PALM2AKAP2: variants seen among roughly 807,000 people sequenced by gnomAD.
The protein encoded by PALM2AKAP2 is PALM2-AKAP2 fusion protein.
In PALM2AKAP2, 37 loss-of-function variants were observed where a neutral mutation model predicts 71.5. The ratio of observed to expected loss-of-function variants is 0.52; its 90% CI spans 0.40 to 0.68. PALM2AKAP2 has a LOEUF of 0.68. PALM2AKAP2 is among the 30% of genes least tolerant of loss of function. The probability of loss-of-function intolerance (pLI) is 0.00; values close to 1 mark genes in which losing one functional copy is unlikely to be tolerated. For synonymous variants in PALM2AKAP2, 468 were observed against 478.8 expected, an observed-to-expected ratio of 0.98 and a Z score of 0.29; for missense variants, 1,224 against 1,191.8, an observed-to-expected ratio of 1.03 and a Z score of -0.40.
At chr9:109,833,531 G>A (rs950128167) in intron 1 of PALM2AKAP2, among the ~76,000 whole-genome samples, 2 of 152,102 alleles carry the variant, frequency 1.3e-5, no homozygotes, top group Admixed American at 1.3e-4. Flanking sequence ...GTTTCCTGAG[G>A]CCCAGTCAGC....
chr9:110,017,898 T>C (rs768258390), intron 7 of PALM2AKAP2, among the ~76,000 whole-genome samples: 32 of 152,032 alleles, frequency 2.1e-4, no homozygotes, highest in Non-Finnish European at 3.7e-4. Flanking sequence ...CGGCTAGTTT[T>C]TGTATTTTCA....
At position 109,717,038 on chromosome 9, in the gene PALM2AKAP2, G is replaced by A. The variant is rs113673626; in HGVS notation, c.6-63450G>A. On this transcript the variant is annotated intron_variant, in intron 1 of 6. Coordinates refer to the PALM2AKAP2 transcript ENST00000374531. Reference sequence around the variant, plus strand: ...GTATGGGCAAGCTATGCAATTCAATGAGATCCAATGTGGCAGGCTGGTTGT... The same window carrying A: ...GTATGGGCAAGCTATGCAATTCAATAAGATCCAATGTGGCAGGCTGGTTGT... Among the ~76,000 whole-genome samples, 614 of 152,256 alleles carry A rather than the reference G, an allele frequency of 4.0e-3. 1 individual carries two copies. Among genetic ancestry groups the A allele is most frequent in the Middle Eastern group, 0.031 (9 of 294 alleles).
chr9:110,155,117 T>C (rs1301990835), intron 2 of PALM2AKAP2, among the ~76,000 whole-genome samples: 2 of 152,232 alleles, frequency 1.3e-5, no homozygotes, highest in Non-Finnish European at 2.9e-5. Flanking sequence ...GCAGCCCATA[T>C]GGAAATGTGG....
At chr9:109,745,174 G>T (rs1330966128) in intron 1 of PALM2AKAP2, among the ~76,000 whole-genome samples, 1 of 152,110 alleles carries the variant, frequency 6.6e-6, no homozygotes, top group Non-Finnish European at 1.5e-5. Flanking sequence ...ACCAGCGATA[G>T]GTATGGACTC....
chr9:109,666,987 G>A (rs965369846), intron 1 of PALM2AKAP2, among the ~76,000 whole-genome samples: 2 of 152,212 alleles, frequency 1.3e-5, no homozygotes, highest in African/African-American at 4.8e-5. Context: ...CTTCCTAACA[G>A]AAGGAAGTGG....
exon 2 of PALM2AKAP2, chr9:110,137,569 C>T (rs780836774): frequency 6.2e-6 from 10 of 1,614,214 alleles, no homozygotes; most frequent in Non-Finnish European, 8.5e-6. Flanking sequence ...GGGCTGTCCT[C>T]ACTGTGGTCA....
intron 3 of PALM2AKAP2, among the ~76,000 whole-genome samples, chr9:109,905,503 CTG>C (rs1491460013): frequency 1.1e-4 from 16 of 152,260 alleles, no homozygotes; most frequent in African/African-American, 3.6e-4. Flanking sequence ...AATGCAACGA[CTG>C]TGCCCGTGAG....
At chr9:109,826,620 C>T (rs1240717984) in intron 1 of PALM2AKAP2, among the ~76,000 whole-genome samples, 5 of 151,892 alleles carry the variant, frequency 3.3e-5, no homozygotes, top group African/African-American at 4.8e-5. Context: ...TAGTTTTTGC[C>T]TTGCAAAAGG....
rs376685088 is a variant in PALM2AKAP2, at chr9:110,059,057, G to A, written c.156+10202G>A. The stretch of plus-strand genomic sequence containing the variant: ...AGGGATTACAGGCATGTGCCACCAC[G>A]CCCACGTAATTTTTGTATTTTGGGT... On this transcript the variant is annotated intron_variant, in intron 1 of 3. Transcript: ENST00000374525. 3.9e-5 allele frequency among the ~76,000 whole-genome samples: 6 copies of A among 152,002 alleles called. No individual in the cohort carries two copies. In the South Asian group the frequency reaches 6.3e-4, roughly 16 times the overall value.
chr9:110,005,701 T>C (rs1347154450), intron 6 of PALM2AKAP2, among the ~76,000 whole-genome samples: 1 of 152,156 alleles, frequency 6.6e-6, no homozygotes, highest in Non-Finnish European at 1.5e-5. Context: ...GCTGCTTTGT[T>C]TACCTACTCA....
chr9:109,870,595 A>T lies in PALM2AKAP2; in HGVS notation c.126+3024A>T, dbSNP rs930014922. Among the ~76,000 whole-genome samples the T allele has an allele frequency of 3.3e-5, 5 of 152,354 alleles. No homozygotes were observed. In the East Asian group the frequency reaches 9.6e-4, roughly 29 times the overall value. On this transcript the variant is annotated intron_variant, in intron 2 of 9. Transcript: ENST00000302798. ...TTACAGCTATGGGAACAAACTCATG[A>T]GGTCAAGTGATTTGCCCAAGACCAT...
At chr9:110,127,395 C>T (rs1277475463) in intron 1 of PALM2AKAP2, among the ~76,000 whole-genome samples, 1 of 152,162 alleles carries the variant, frequency 6.6e-6, no homozygotes, top group Non-Finnish European at 1.5e-5. Flanking sequence ...GGAGGGGAGG[C>T]TCTAGCCTCT....
intron 7 of PALM2AKAP2, among the ~76,000 whole-genome samples, chr9:110,027,919 G>C (rs1833211456): frequency 2.0e-5 from 3 of 152,018 alleles, no homozygotes; most frequent in Non-Finnish European, 2.9e-5. Context: ...AGGGACTCTG[G>C]ACAAAAAAGA....
At chr9:110,146,545 AG>A (rs1016292753) in intron 2 of PALM2AKAP2, among the ~76,000 whole-genome samples, 5 of 152,212 alleles carry the variant, frequency 3.3e-5, no homozygotes, top group African/African-American at 1.2e-4. Flanking sequence ...GGTGACAGAG[AG>A]GAGGTGAATC....
At chr9:109,984,615 G>A (rs963605038) in intron 6 of PALM2AKAP2, among the ~76,000 whole-genome samples, 29 of 152,084 alleles carry the variant, frequency 1.9e-4, no homozygotes, top group African/African-American at 6.8e-4. Context: ...CCAGCACTTT[G>A]GGAGGCCAAG....
intron 1 of PALM2AKAP2, among the ~76,000 whole-genome samples, chr9:109,833,286 C>T (rs555077402): frequency 3.3e-5 from 5 of 152,222 alleles, no homozygotes; most frequent in South Asian, 2.1e-4. Flanking sequence ...ACCTGGGAGG[C>T]GGAAGTTGCA....
intron 6 of PALM2AKAP2, among the ~76,000 whole-genome samples, chr9:109,949,773 A>G (rs1395179531): frequency 6.6e-6 from 1 of 152,206 alleles, no homozygotes; most frequent in Non-Finnish European, 1.5e-5. Flanking sequence ...TACTTTTAAT[A>G]ATATATAATA....
At chr9:109,649,254 G>T (rs1587853592) in intron 1 of PALM2AKAP2, among the ~76,000 whole-genome samples, 1 of 151,850 alleles carries the variant, frequency 6.6e-6, no homozygotes, top group East Asian at 1.9e-4. Context: ...TTCAATTGAA[G>T]AATCTATTTG....
rs149672913 is a variant in PALM2AKAP2, at chr9:110,023,305, C to CTTTTTTTTT, written c.582+7284_582+7292dup. The stretch of plus-strand genomic sequence containing the variant: ...GTGAGATGGTATCTCATTGTGGTTT[C>CTTTTTTTTT]TTTTTTTTTTTTTTTTTTTTTTTTT... On this transcript the variant is annotated intron_variant, in intron 7 of 9. Coordinates refer to the PALM2AKAP2 transcript ENST00000302798. 4.3e-3 allele frequency among the ~76,000 whole-genome samples: 315 copies of CTTTTTTTTT among 74,046 alleles called. 34 individuals are homozygous for CTTTTTTTTT. The highest frequency in any genetic ancestry group is 6.6e-3 in the East Asian group (15 of 2,276). The allele number at this position is 74,046 out of a possible 152,430, so 48.6% of individuals were successfully genotyped here.
Sources: allele counts gnomAD v4.1 joint callset (sites outside exome capture counted in the v4.1 genomes callset), GRCh38; gene constraint gnomAD v4.1.1; transcripts MANE v1.5; gene names NCBI Gene and HGNC (gene_info 2026-07-23, HGNC 2026-07-21).